ENOX2: variants seen among roughly 807,000 people sequenced by gnomAD.
ENOX2 encodes APK1 antigen.
Under a neutral mutation model 45.0 loss-of-function variants are expected in ENOX2, and 36 were observed. That is an observed-to-expected ratio of 0.80 (90% CI 0.61 to 1.06). ENOX2 has a LOEUF of 1.06. Among genes scored for constraint, ENOX2 ranks in the 50% least tolerant of loss-of-function variants. The probability of loss-of-function intolerance (pLI) is 0.00; values close to 1 mark genes in which losing one functional copy is unlikely to be tolerated. For synonymous variants in ENOX2, 174 were observed against 152.3 expected (o/e 1.14, Z -1.05); for missense variants, 423 against 462.5 (o/e 0.91, Z 0.78).
At chrX:130,780,421 C>G (rs1275102325) in intron 3 of ENOX2, among the ~76,000 whole-genome samples, 3 of 111,861 alleles carry the variant, frequency 2.7e-5, no homozygotes, top group Non-Finnish European at 5.6e-5. Flanking sequence ...ACTTGCTAGA[C>G]ATTCAACTTT....
chrX:130,894,287 T>C (rs932208668), intron 2 of ENOX2, among the ~76,000 whole-genome samples: 13 of 109,248 alleles, frequency 1.2e-4, no homozygotes, highest in Admixed American at 3.0e-4. Flanking sequence ...TCCTTGACCA[T>C]GGCACATGTA....
chrX:130,853,159 C>A (rs1449504778), intron 2 of ENOX2, among the ~76,000 whole-genome samples: 5 of 108,355 alleles, frequency 4.6e-5, no homozygotes, highest in African/African-American at 1.7e-4. Flanking sequence ...TGCCAATGGG[C>A]AGAGGGAAAA....
chrX:130,707,537 C>G (rs922113858), intron 3 of ENOX2, among the ~76,000 whole-genome samples: 2 of 110,351 alleles, frequency 1.8e-5, no homozygotes, highest in African/African-American at 6.6e-5. Flanking sequence ...CACACACACA[C>G]ACACAGACAC....
At chrX:130,896,996 A>T (rs1428905480) in intron 2 of ENOX2, among the ~76,000 whole-genome samples, 2 of 112,503 alleles carry the variant, frequency 1.8e-5, no homozygotes, top group Non-Finnish European at 3.8e-5. Context: ...TGTAAGTAGG[A>T]TTAACTATTG....
chrX:130,669,894 G>A, intron 7 of ENOX2, 71 bp downstream of exon 7: 1 of 761,937 alleles, frequency 1.3e-6, no homozygotes, highest in Non-Finnish European at 2.0e-6. Flanking sequence ...TGTCAACAAT[G>A]CAATTATATT....
At chrX:130,639,436 G>A (rs2036021841) in intron 10 of ENOX2, among the ~76,000 whole-genome samples, 1 of 111,951 alleles carries the variant, frequency 8.9e-6, no homozygotes, top group Non-Finnish European at 1.9e-5. Context: ...CATAGAACTA[G>A]AGAATGCTTT....
chrX:130,688,316 A>T (rs1375812521), intron 5 of ENOX2, among the ~76,000 whole-genome samples: 2 of 112,348 alleles, frequency 1.8e-5, no homozygotes, highest in Non-Finnish European at 3.8e-5. Context: ...CTTCCACATG[A>T]ACTGCATTGA....
intron 12 of ENOX2, among the ~76,000 whole-genome samples, chrX:130,633,242 A>G (rs1253277745): frequency 1.8e-5 from 2 of 111,674 alleles, no homozygotes. Context: ...AGAAACCCAA[A>G]CAAAAGCAAA....
chrX:130,762,785 T>C (rs932978609), intron 3 of ENOX2, among the ~76,000 whole-genome samples: 1 of 112,062 alleles, frequency 8.9e-6, no homozygotes, highest in Non-Finnish European at 1.9e-5. Context: ...ATGTAGTCTA[T>C]CTTGGTATGC....
chrX:130,840,322 G>A (rs1043809157), intron 2 of ENOX2, among the ~76,000 whole-genome samples: 1 of 110,004 alleles, frequency 9.1e-6, no homozygotes, highest in Non-Finnish European at 1.9e-5. Context: ...TATGCCTTAT[G>A]TTCAAATTAT....
At chrX:130,836,297 A>T (rs2077925664) in intron 2 of ENOX2, among the ~76,000 whole-genome samples, 1 of 111,756 alleles carries the variant, frequency 8.9e-6, no homozygotes, top group African/African-American at 3.3e-5. Flanking sequence ...TAGATATGAA[A>T]CATAACTAGA....
At chrX:130,899,881 G>A (rs1047584715) in intron 2 of ENOX2, among the ~76,000 whole-genome samples, 2 of 112,084 alleles carry the variant, frequency 1.8e-5, no homozygotes, top group African/African-American at 3.3e-5. Flanking sequence ...GAGGCAAGGG[G>A]GGCATGCAGA....
chrX:130,632,736 G>A (rs1275975370), intron 12 of ENOX2, among the ~76,000 whole-genome samples: 2 of 111,975 alleles, frequency 1.8e-5, no homozygotes, highest in Non-Finnish European at 1.9e-5. Context: ...GGTCTATGCT[G>A]CAAGACATGT....
At chrX:130,676,051 T>C (rs137873227) in intron 6 of ENOX2, among the ~76,000 whole-genome samples, 117 of 112,155 alleles carry the variant, frequency 1.0e-3, no homozygotes, top group African/African-American at 3.5e-3. Flanking sequence ...TTACAGTTTA[T>C]AATACACTTG....
intron 3 of ENOX2, among the ~76,000 whole-genome samples, chrX:130,751,609 C>T (rs770979796): frequency 9.0e-6 from 1 of 111,609 alleles, no homozygotes; most frequent in Admixed American, 9.5e-5. Context: ...TATGGTAATT[C>T]TATGTTTTAC....
At chrX:130,743,651 G>C (rs1157621280) in intron 3 of ENOX2, among the ~76,000 whole-genome samples, 1 of 106,364 alleles carries the variant, frequency 9.4e-6, no homozygotes, top group African/African-American at 3.4e-5. Flanking sequence ...TTTTTTTTTT[G>C]GTATTTTTAG....
At chrX:130,709,285 T>C (rs746329429) in intron 3 of ENOX2, 11 of 1,200,718 alleles carry the variant, frequency 9.2e-6, no homozygotes, top group Non-Finnish European at 1.2e-5. Context: ...CTAAAATCTC[T>C]TTGCATTGTG....
rs144711991 is a variant in ENOX2, at chrX:130,777,856, T to C, written c.-39+5691A>G. ...TTTGATCCTCCAGTTTTCAAGATAATGGTTTTATTTCTTGAAGCTGTAATC... is the reference window on the plus strand; with the variant it reads ...TTTGATCCTCCAGTTTTCAAGATAACGGTTTTATTTCTTGAAGCTGTAATC... On this transcript the variant is annotated intron_variant, in intron 3 of 14. Coordinates refer to ENST00000394363, the MANE Select transcript of ENOX2 (RefSeq NM_006375.4). Among the ~76,000 whole-genome samples, 93 of 112,121 alleles carry C rather than the reference T, an allele frequency of 8.3e-4. 2 individuals are homozygous for C. Among genetic ancestry groups the C allele is most frequent in the African/African-American group, 2.9e-3 (89 of 30,906 alleles).
intron 2 of ENOX2, among the ~76,000 whole-genome samples, chrX:130,865,891 C>G (rs746295897): frequency 1.8e-5 from 2 of 111,169 alleles, no homozygotes; most frequent in South Asian, 3.8e-4. Flanking sequence ...TGGGCTCCTG[C>G]TTTATATAAT....
Sources: gnomAD v4.1 joint callset for allele counts (sites outside exome capture counted in the v4.1 genomes callset) on GRCh38, gnomAD v4.1.1 for gene constraint, MANE v1.5 for transcripts, NCBI Gene and HGNC (gene_info 2026-07-23, HGNC 2026-07-21) for gene names.